The following NTNG1 variants were observed in gnomAD, a reference collection of about 807,000 sequenced individuals.
NTNG1 encodes the protein netrin G1, also known as netrin-G1.
NTNG1 carries 16 observed loss-of-function variants against 54.0 expected under a neutral mutation model. The observed-to-expected ratio is 0.30, with a 90% confidence interval of 0.20 to 0.45. The LOEUF (loss-of-function observed/expected upper bound fraction) is 0.45, where lower values mean the gene tolerates loss of function less well. Ranked by LOEUF, NTNG1 falls within the 20% of genes least tolerant of loss-of-function variation. The pLI is 1.00. For missense variants in NTNG1, 530 were observed against 678.7 expected, an observed-to-expected ratio of 0.78 and a Z score of 2.43; for synonymous variants, 255 against 263.1, an observed-to-expected ratio of 0.97 and a Z score of 0.30.
At chr1:107,450,749 C>A (rs373005488) in intron 7 of NTNG1, among the ~76,000 whole-genome samples, 131 of 152,164 alleles carry the variant, frequency 8.6e-4, no homozygotes, top group African/African-American at 3.1e-3. Flanking sequence ...AATAAAGCAA[C>A]CTCTGATAAG....
chr1:107,307,686 CT>C (rs1160364210), intron 2 of NTNG1, among the ~76,000 whole-genome samples: 1 of 152,194 alleles, frequency 6.6e-6, no homozygotes, highest in African/African-American at 2.4e-5. Flanking sequence ...ATGACTCCAT[CT>C]TTGTCCAGTG....
At chr1:107,322,665 C>T (rs939272973) in intron 2 of NTNG1, among the ~76,000 whole-genome samples, 1 of 152,014 alleles carries the variant, frequency 6.6e-6, no homozygotes, top group South Asian at 2.1e-4. Flanking sequence ...TTTCCCCCCT[C>T]CCCTGGCTCA....
At chr1:107,390,375 A>T (rs1413272371) in intron 3 of NTNG1, among the ~76,000 whole-genome samples, 1 of 152,174 alleles carries the variant, frequency 6.6e-6, no homozygotes, top group Non-Finnish European at 1.5e-5. Flanking sequence ...CGCTATGCAA[A>T]TGCTTTGTTT....
intron 2 of NTNG1, among the ~76,000 whole-genome samples, chr1:107,224,785 T>A (rs1475824373): frequency 6.6e-5 from 10 of 152,126 alleles, no homozygotes; most frequent in Non-Finnish European, 1.0e-4. Flanking sequence ...GCAGGAATAA[T>A]GAGAAATTAA....
intron 3 of NTNG1, among the ~76,000 whole-genome samples, chr1:107,363,301 G>A (rs1670401326): frequency 6.6e-6 from 1 of 152,140 alleles, no homozygotes; most frequent in African/African-American, 2.4e-5. Flanking sequence ...TTCCTAGGGA[G>A]GGAGTATAGA....
chr1:107,346,135 A>G (rs1303817395), intron 3 of NTNG1, among the ~76,000 whole-genome samples: 1 of 152,202 alleles, frequency 6.6e-6, no homozygotes, highest in Non-Finnish European at 1.5e-5. Context: ...AAAAAAGGAA[A>G]AATGTAGGAG....
At chr1:107,378,400 C>A (rs1045124201) in intron 3 of NTNG1, among the ~76,000 whole-genome samples, 1 of 152,256 alleles carries the variant, frequency 6.6e-6, no homozygotes, top group East Asian at 1.9e-4. Flanking sequence ...AACAAGTGAC[C>A]GGAATGTAAA....
rs537030932 is a variant in NTNG1, at chr1:107,433,400, G to A, written c.1255+2483G>A. ...CTCTACTGAAAGAGATAAAAAATTAGCTGAGCGTGGTGGCCTGTGCCTGTA... is the reference window on the plus strand; with the variant it reads ...CTCTACTGAAAGAGATAAAAAATTAACTGAGCGTGGTGGCCTGTGCCTGTA... On this transcript the variant is annotated intron_variant, in intron 6 of 7. Transcript: ENST00000370068. 3.3e-5 allele frequency among the ~76,000 whole-genome samples: 5 copies of A among 152,254 alleles called. No individual in the cohort carries two copies. In the East Asian group the frequency reaches 9.7e-4, roughly 29 times the overall value.
At chr1:107,421,530 G>A (rs991088725) in intron 5 of NTNG1, among the ~76,000 whole-genome samples, 8 of 152,070 alleles carry the variant, frequency 5.3e-5, no homozygotes, top group Admixed American at 3.3e-4. Context: ...CAGGTTCCAT[G>A]TATGGTGCCC....
At chr1:107,282,715 TCC>T (rs1360671666) in intron 2 of NTNG1, among the ~76,000 whole-genome samples, 1 of 152,188 alleles carries the variant, frequency 6.6e-6, no homozygotes, top group African/African-American at 2.4e-5. Flanking sequence ...TATAGCACTG[TCC>T]TTCAGTCTCA....
At chr1:107,142,647 A>G (rs1461661891) in intron 1 of NTNG1, among the ~76,000 whole-genome samples, 3 of 151,390 alleles carry the variant, frequency 2.0e-5, no homozygotes, top group Admixed American at 2.0e-4. Context: ...GACTGAAAAT[A>G]CTAAAAGTTG....
intron 3 of NTNG1, among the ~76,000 whole-genome samples, chr1:107,394,065 T>C (rs1672529578): frequency 1.3e-5 from 2 of 151,800 alleles, no homozygotes; most frequent in South Asian, 4.2e-4. Flanking sequence ...TCAATCTCTC[T>C]CTCTCTCTGG....
chr1:107,463,615 A>G (rs1290812763), intron 7 of NTNG1, among the ~76,000 whole-genome samples: 1 of 152,176 alleles, frequency 6.6e-6, no homozygotes, highest in South Asian at 2.1e-4. Context: ...TATTAACTAA[A>G]GCATTTTTAG....
chr1:107,431,671 C>A (rs771758984), intron 6 of NTNG1, among the ~76,000 whole-genome samples: 2 of 152,154 alleles, frequency 1.3e-5, no homozygotes, highest in South Asian at 2.1e-4. Flanking sequence ...CATAGTGAAA[C>A]CTGTCTTTAA....
intron 3 of NTNG1, among the ~76,000 whole-genome samples, chr1:107,353,476 G>A (rs1490192127): frequency 1.3e-5 from 2 of 151,828 alleles, no homozygotes; most frequent in South Asian, 2.1e-4. Context: ...ATTTCCATCC[G>A]AGACCTCCTC....
intron 2 of NTNG1, among the ~76,000 whole-genome samples, chr1:107,250,446 A>T (rs991029834): frequency 6.6e-6 from 1 of 152,150 alleles, no homozygotes; most frequent in African/African-American, 2.4e-5. Context: ...CAGCTGTGAA[A>T]ACATGTGGTG....
intron 5 of NTNG1, among the ~76,000 whole-genome samples, chr1:107,413,547 C>A (rs1673987737): frequency 6.6e-6 from 1 of 152,118 alleles, no homozygotes; most frequent in African/African-American, 2.4e-5. Flanking sequence ...TTTATCTCCA[C>A]CAGATAGTTT....
In NTNG1 at chr1:107,351,003, C is replaced by G. The variant is rs191241404; in HGVS notation, c.887+26081C>G. On this transcript the variant is annotated intron_variant, in intron 3 of 7. Coordinates refer to ENST00000370068, the MANE Select transcript of NTNG1 (RefSeq NM_001113226.3). ...ATCTTAAATGTTCTCCCCACACACA[C>G]AGAGGTAACTATGTGAGGTTATGGT... is the stretch of plus-strand genomic sequence containing the variant. 3.0e-4 allele frequency among the ~76,000 whole-genome samples: 46 copies of G among 152,306 alleles called. No homozygotes were observed. In the East Asian group the frequency reaches 8.3e-3, roughly 27 times the overall value.
intron 2 of NTNG1, among the ~76,000 whole-genome samples, chr1:107,203,263 T>G (rs1226729075): frequency 6.6e-6 from 1 of 151,846 alleles, no homozygotes; most frequent in Non-Finnish European, 1.5e-5. Flanking sequence ...CCTTAATAGT[T>G]TTTTCATCAA....
Sources: gnomAD v4.1 joint callset for allele counts (sites outside exome capture counted in the v4.1 genomes callset) on GRCh38, gnomAD v4.1.1 for gene constraint, MANE v1.5 for transcripts, NCBI Gene and HGNC (gene_info 2026-07-23, HGNC 2026-07-21) for gene names.